RBM47: variants seen among roughly 807,000 people sequenced by gnomAD.
RBM47 encodes the protein RNA binding motif protein 47.
A neutral mutation model predicts 47.1 loss-of-function variants in RBM47; 21 were observed. The observed-to-expected ratio is 0.45, with a 90% CI of 0.32 to 0.64. The LOEUF (loss-of-function observed/expected upper bound fraction) is 0.64. Among genes scored for constraint, RBM47 ranks in the 30% least tolerant of loss-of-function variants. The pLI is 0.05. For missense variants in RBM47, 708 were observed against 870.9 expected (o/e 0.81, Z 2.35); for synonymous variants, 375 against 361.7 (o/e 1.04, Z -0.42).
intron 3 of RBM47, among the ~76,000 whole-genome samples, chr4:40,457,439 C>T (rs1056024845): frequency 7.7e-6 from 1 of 130,070 alleles, no homozygotes; most frequent in Admixed American, 7.9e-5. Context: ...AAAAAAAAAA[C>T]AAAAAAAAGG....
intron 3 of RBM47, among the ~76,000 whole-genome samples, chr4:40,456,571 CTTTTTT>C (rs34320480): frequency 5.3e-4 from 60 of 112,572 alleles, no homozygotes; most frequent in East Asian, 1.0e-3. Flanking sequence ...TTTCTTTTTT[CTTTTTT>C]TTTTTTTTTT....
chr4:40,446,607 G>A (rs997225725), intron 3 of RBM47, among the ~76,000 whole-genome samples: 11 of 151,678 alleles, frequency 7.3e-5, no homozygotes, highest in South Asian at 2.1e-4. Context: ...GTGTTGTGGC[G>A]TAACACCTGT....
chr4:40,456,571 C>CTTTTTTTTTTTTTTTTTTTTTTTTTTTTT (rs34320480), intron 3 of RBM47, among the ~76,000 whole-genome samples: 1 of 112,578 alleles, frequency 8.9e-6, no homozygotes, highest in Non-Finnish European at 1.7e-5. Flanking sequence ...TTTCTTTTTT[C>CTTTTTTTTTTTTTTTTTTTTTTTTTTTTT]TTTTTTTTTT....
rs1712490273 is a variant in RBM47 at position 40,436,735 on chromosome 4, G to A, written c.1124-88C>T. Reference sequence around the variant, plus strand: ...AGCCCTCGGTTCTCGGCATTTAACTGCCCCAGTCTTAATTGCAGGTGGCTA... The same window carrying A: ...AGCCCTCGGTTCTCGGCATTTAACTACCCCAGTCTTAATTGCAGGTGGCTA... On this transcript the variant is annotated intron_variant, in intron 4 of 6. Transcript: ENST00000295971. 7.0e-6 allele frequency: 9 copies of A among 1,285,444 alleles called. No individual in the cohort carries two copies. In the Admixed American group the frequency reaches 1.2e-4, roughly 17 times the overall value. The allele number at this position is 1,285,444 out of a possible 1,614,324, so 79.6% of individuals were successfully genotyped here. A position where few individuals can be genotyped will look rare whatever the true frequency, so the allele number is the denominator to read the frequency against.
intron 3 of RBM47, among the ~76,000 whole-genome samples, chr4:40,465,204 C>T (rs551267218): frequency 1.3e-5 from 2 of 152,260 alleles, no homozygotes; most frequent in Admixed American, 1.3e-4. Context: ...GTGTCGCTGG[C>T]AGCCCCTCCC....
chr4:40,545,544 G>A (rs1423483848), intron 1 of RBM47, among the ~76,000 whole-genome samples: 1 of 148,634 alleles, frequency 6.7e-6, no homozygotes, highest in Non-Finnish European at 1.5e-5. Flanking sequence ...GGCACCTGTA[G>A]TCCCAGCTAC....
chr4:40,524,528 C>A (rs748643480), intron 2 of RBM47, among the ~76,000 whole-genome samples: 2 of 152,202 alleles, frequency 1.3e-5, no homozygotes, highest in Non-Finnish European at 2.9e-5. Flanking sequence ...CCGTGAAAAC[C>A]AAGGCTGGAA....
chr4:40,512,413 CA>C (rs33930819), intron 2 of RBM47, among the ~76,000 whole-genome samples: 32,992 of 56,130 alleles, frequency 0.59, 7,205 homozygotes, highest in East Asian at 0.71. Flanking sequence ...AACTCCATCT[CA>C]AAAAAAAAAA....
intron 2 of RBM47, among the ~76,000 whole-genome samples, chr4:40,541,249 G>C (rs1316275482): frequency 7.1e-6 from 1 of 139,908 alleles, no homozygotes; most frequent in Non-Finnish European, 1.5e-5. Context: ...CTAGGTGACC[G>C]AGCAAGATTC....
At chr4:40,597,101 A>G (rs1293258160) in intron 1 of RBM47, among the ~76,000 whole-genome samples, 3 of 152,068 alleles carry the variant, frequency 2.0e-5, no homozygotes, top group African/African-American at 7.2e-5. Flanking sequence ...TCTACTAAAA[A>G]CACAAAAAAT....
chr4:40,436,330 A>G, intron 5 of RBM47, 111 bp downstream of exon 5: 3 of 1,042,726 alleles, frequency 2.9e-6, no homozygotes, highest in Non-Finnish European at 2.8e-6. Context: ...GCCTAGGAGA[A>G]GAGGAACCCC....
chr4:40,583,816 C>A (rs1733248352), intron 1 of RBM47, among the ~76,000 whole-genome samples: 2 of 145,850 alleles, frequency 1.4e-5, no homozygotes, highest in Admixed American at 7.0e-5. Context: ...CAAGATCACG[C>A]CACTGCACTC....
At chr4:40,589,570 G>A (rs550393346) in intron 1 of RBM47, among the ~76,000 whole-genome samples, 2 of 152,078 alleles carry the variant, frequency 1.3e-5, no homozygotes, top group South Asian at 4.2e-4. Context: ...CCAAGTAGCT[G>A]GGATTACGAG....
At chr4:40,539,466 C>T (rs1413760411) in intron 2 of RBM47, among the ~76,000 whole-genome samples, 3 of 152,042 alleles carry the variant, frequency 2.0e-5, no homozygotes, top group Non-Finnish European at 2.9e-5. Flanking sequence ...CTAAGCCAGG[C>T]ACGGTGACTC....
At chr4:40,627,208 T>TA (rs1231938373) in intron 1 of RBM47, among the ~76,000 whole-genome samples, 10 of 152,220 alleles carry the variant, frequency 6.6e-5, no homozygotes, top group African/African-American at 1.9e-4. Context: ...GACAAGCACT[T>TA]AAAGCTGCAT....
chr4:40,608,038 G>A (rs1735922173), intron 1 of RBM47, among the ~76,000 whole-genome samples: 1 of 151,876 alleles, frequency 6.6e-6, no homozygotes, highest in Admixed American at 6.6e-5. Context: ...GGAGGTGGAG[G>A]TTGCAGTGAG....
chr4:40,620,334 G>A lies in RBM47; in HGVS notation c.-240+9062C>T, dbSNP rs539670845. Among the ~76,000 whole-genome samples, 15 of 151,392 alleles carry A rather than the reference G, an allele frequency of 9.9e-5. No individual in the cohort carries two copies. In the South Asian group the frequency reaches 2.5e-3, roughly 25 times the overall value. ...CAGCCTGGCCAACATGGTGAAACCC[G>A]TTTCTACTAAAAATACAAAAATTAG... On this transcript the variant is annotated intron_variant, in intron 1 of 6. Coordinates refer to ENST00000295971, the MANE Select transcript of RBM47 (RefSeq NM_001098634.2).
At chr4:40,479,114 T>A (rs1029869584) in intron 2 of RBM47, among the ~76,000 whole-genome samples, 2 of 152,178 alleles carry the variant, frequency 1.3e-5, no homozygotes, top group Admixed American at 1.3e-4. Context: ...GAAAAACAGA[T>A]GAAGTATAAA....
chr4:40,453,264 A>C (rs920712894), intron 3 of RBM47, among the ~76,000 whole-genome samples: 1 of 152,236 alleles, frequency 6.6e-6, no homozygotes, highest in Non-Finnish European at 1.5e-5. Context: ...GTTCAGCCCT[A>C]GGAGGTCACA....
Sources: allele counts gnomAD v4.1 joint callset (sites outside exome capture counted in the v4.1 genomes callset), GRCh38; gene constraint gnomAD v4.1.1; transcripts MANE v1.5; gene names NCBI Gene and HGNC (gene_info 2026-07-23, HGNC 2026-07-21).